SNX3: variants seen among roughly 807,000 people sequenced by gnomAD.
SNX3 encodes the protein sorting nexin 3.
In SNX3, 5 loss-of-function variants were observed where a neutral mutation model predicts 17.7. The observed-to-expected ratio is 0.28, with a 90% confidence interval of 0.15 to 0.59. The LOEUF is 0.59. Ranked by LOEUF, SNX3 falls within the 20% of genes least tolerant of loss-of-function variation. The probability of loss-of-function intolerance (pLI) is 0.88; values close to 1 mark genes in which losing one functional copy is unlikely to be tolerated. For missense variants in SNX3, 132 were observed against 206.8 expected (o/e 0.64, Z 2.22); for synonymous variants, 91 against 76.5 (o/e 1.19, Z -0.99).
At position 108,218,564 on chromosome 6, in the gene SNX3, C is replaced by T. The variant is rs907672768; in HGVS notation, c.259-3942G>A. On this transcript the variant is annotated intron_variant, in intron 2 of 3. Transcript: ENST00000230085. ...AAACACATGCAGACAGAAACCTATG[C>T]ACAAATGTTCACAGCAGCACTACCA... 3.9e-5 allele frequency among the ~76,000 whole-genome samples: 6 copies of T among 152,194 alleles called. No homozygotes were observed. In the East Asian group the frequency reaches 1.2e-3, roughly 29 times the overall value.
At chr6:108,233,980 G>A (rs954854125) in intron 1 of SNX3, among the ~76,000 whole-genome samples, 2 of 152,040 alleles carry the variant, frequency 1.3e-5, no homozygotes, top group African/African-American at 2.4e-5. Context: ...GTAAGTACTC[G>A]TATTTTCTAA....
chr6:108,241,219 T>C (rs1311816940), intron 1 of SNX3, among the ~76,000 whole-genome samples: 2 of 147,286 alleles, frequency 1.4e-5, no homozygotes, highest in African/African-American at 5.0e-5. Context: ...GAGAGAACCC[T>C]AGTTATCTAA....
chr6:108,256,620 G>T (rs1271899127), intron 1 of SNX3, among the ~76,000 whole-genome samples: 1 of 152,162 alleles, frequency 6.6e-6, no homozygotes, highest in Non-Finnish European at 1.5e-5. Flanking sequence ...TCTATTCTTT[G>T]AACTGAGGAC....
chr6:108,222,272 A>G, intron 2 of SNX3: 1 of 1,304,296 alleles, frequency 7.7e-7, no homozygotes, highest in East Asian at 5.5e-5. Flanking sequence ...TTCTGAGCAC[A>G]CCACGTCCTT....
intron 1 of SNX3, among the ~76,000 whole-genome samples, chr6:108,227,635 G>T (rs1284006003): frequency 6.7e-6 from 1 of 149,874 alleles, no homozygotes. Context: ...TTCTTAACTG[G>T]TTATGATTTC....
intron 1 of SNX3, among the ~76,000 whole-genome samples, chr6:108,252,701 C>T (rs909600330): frequency 2.0e-5 from 3 of 151,740 alleles, no homozygotes; most frequent in African/African-American, 4.8e-5. Flanking sequence ...GGCACAGAGT[C>T]GCGCTGCCAC....
intron 2 of SNX3, chr6:108,222,366 G>A (rs777896837): frequency 1.5e-6 from 2 of 1,299,674 alleles, no homozygotes. Flanking sequence ...AATTTATTTT[G>A]ATGCCAAAGC....
At chr6:108,257,074 A>C (rs927575315) in intron 1 of SNX3, among the ~76,000 whole-genome samples, 1 of 152,208 alleles carries the variant, frequency 6.6e-6, no homozygotes, top group African/African-American at 2.4e-5. Flanking sequence ...TAAAACTGTA[A>C]ATTTTTCTCA....
rs760344031 is a variant in SNX3, at chr6:108,260,747, G to A, written c.162+13C>T. ...GGGAGGGGTTTCTTGGGAGAGGGGAGAGACGGCCTCACCTTGACCCTGATT... is the reference window on the plus strand; with the variant it reads ...GGGAGGGGTTTCTTGGGAGAGGGGAAAGACGGCCTCACCTTGACCCTGATT... On this transcript the variant is annotated intron_variant, in intron 1 of 3. Coordinates refer to ENST00000230085, the MANE Select transcript of SNX3 (RefSeq NM_003795.6). 3.7e-6 allele frequency: 6 copies of A among 1,613,396 alleles called. No homozygotes were observed. In the South Asian group the frequency reaches 6.6e-5, roughly 18 times the overall value.
intron 1 of SNX3, among the ~76,000 whole-genome samples, chr6:108,228,570 T>C (rs4946910): frequency 0.035 from 5,364 of 151,226 alleles, 151 homozygotes; most frequent in South Asian, 0.11. Context: ...TAGCTGGGTA[T>C]GGTGGCACAT....
intron 1 of SNX3, among the ~76,000 whole-genome samples, chr6:108,252,681 C>CTT (rs147765130): frequency 2.0e-4 from 31 of 151,242 alleles, no homozygotes; most frequent in African/African-American, 7.3e-4. Flanking sequence ...CTCTTTTTCT[C>CTT]TTTTTTTTTG....
At chr6:108,236,472 C>T (rs1775340257) in intron 1 of SNX3, among the ~76,000 whole-genome samples, 1 of 149,482 alleles carries the variant, frequency 6.7e-6, no homozygotes, top group Non-Finnish European at 1.5e-5. Flanking sequence ...CAAGCTCCGC[C>T]TCCTGGGTTC....
At chr6:108,240,819 A>C (rs1320619560) in intron 1 of SNX3, among the ~76,000 whole-genome samples, 1 of 152,110 alleles carries the variant, frequency 6.6e-6, no homozygotes, top group African/African-American at 2.4e-5. Context: ...TGGGGCCTTG[A>C]TTAACTCCCA....
intron 1 of SNX3, among the ~76,000 whole-genome samples, chr6:108,258,872 A>G (rs1253711666): frequency 6.6e-6 from 1 of 152,112 alleles, no homozygotes; most frequent in Non-Finnish European, 1.5e-5. Context: ...TAAAAAAAAA[A>G]GAGGATTAAA....
In SNX3 at chr6:108,216,445, A is replaced by G. The variant is rs545638080; in HGVS notation, c.259-1823T>C. On this transcript the variant is annotated intron_variant, in intron 2 of 3. Coordinates refer to ENST00000230085, the MANE Select transcript of SNX3 (RefSeq NM_003795.6). ...TGGAAAACCATCAATCTATCATACT[A>G]ATGTCTTCAAATCAAGACCCCTGTC... Among the ~76,000 whole-genome samples, 509 of 152,288 alleles carry G rather than the reference A, an allele frequency of 3.3e-3. 4 individuals are homozygous for G. Among genetic ancestry groups the G allele is most frequent in the African/African-American group, 0.012 (493 of 41,558 alleles).
chr6:108,222,571 A>G (rs923476655), intron 2 of SNX3, among the ~76,000 whole-genome samples: 1 of 152,144 alleles, frequency 6.6e-6, no homozygotes. Flanking sequence ...AAAAAAACTT[A>G]TATGTCACTA....
intron 2 of SNX3, 59 bp from the exon 3 acceptor site, chr6:108,214,681 A>T (rs1024554733): frequency 2.5e-5 from 39 of 1,560,408 alleles, no homozygotes; most frequent in Non-Finnish European, 3.4e-5. Flanking sequence ...AAATTTATAG[A>T]GCACAACATG....
intron 2 of SNX3, among the ~76,000 whole-genome samples, chr6:108,215,267 A>G (rs1429812522): frequency 6.6e-6 from 1 of 151,600 alleles, no homozygotes; most frequent in Non-Finnish European, 1.5e-5. Context: ...GGAGAATGGC[A>G]TGAACCCGGG....
At chr6:108,233,723 T>C (rs1311539771) in intron 1 of SNX3, among the ~76,000 whole-genome samples, 9 of 152,170 alleles carry the variant, frequency 5.9e-5, no homozygotes, top group Admixed American at 5.9e-4. Flanking sequence ...CACTCCAGCC[T>C]GGCTGAAAGA....
Sources: allele counts gnomAD v4.1 joint callset (sites outside exome capture counted in the v4.1 genomes callset), GRCh38; gene constraint gnomAD v4.1.1; transcripts MANE v1.5; gene names NCBI Gene and HGNC (gene_info 2026-07-23, HGNC 2026-07-21).